MPP4: variants seen among roughly 807,000 people sequenced by gnomAD.
The protein encoded by MPP4 is MAGUK p55 subfamily member 4.
In MPP4, 91 loss-of-function variants were observed where a neutral mutation model predicts 98.3. The observed-to-expected ratio is 0.93, with a 90% confidence interval of 0.78 to 1.10. MPP4 has a LOEUF of 1.10. MPP4 is among the 50% of genes least tolerant of loss of function. MPP4 has a pLI of 0.00. For missense variants in MPP4, 744 were observed against 792.9 expected (o/e 0.94, Z 0.74); for synonymous variants, 261 against 271.8 (o/e 0.96, Z 0.39).
intron 16 of MPP4, among the ~76,000 whole-genome samples, chr2:201,657,713 A>T (rs1687896864): frequency 6.6e-6 from 1 of 151,358 alleles, no homozygotes; most frequent in Non-Finnish European, 1.5e-5. Context: ...AAGCTAGATG[A>T]GGCGGGCATC....
At chr2:201,653,981 CTT>C (rs773754338) in intron 18 of MPP4, among the ~76,000 whole-genome samples, 1 of 146,028 alleles carries the variant, frequency 6.8e-6, no homozygotes. Flanking sequence ...TAAGAAAACA[CTT>C]TTTTTTTTTT....
intron 20 of MPP4, among the ~76,000 whole-genome samples, chr2:201,648,274 C>T (rs1050783234): frequency 3.3e-5 from 5 of 152,156 alleles, no homozygotes; most frequent in Admixed American, 1.3e-4. Flanking sequence ...CCTCCCATCT[C>T]GGCTTTCCAA....
rs1170243808 is a variant in MPP4 at position 201,682,766 on chromosome 2, G to T, written c.660+65C>A. The T allele has an allele frequency of 2.1e-6, 3 of 1,427,360 alleles. No individual in the cohort carries two copies. The Admixed American group carries it at 5.0e-5, about 24-fold the overall frequency. 88.4% of individuals were successfully genotyped at this position (1,427,360 alleles called of 1,614,324 possible). A position where few individuals can be genotyped will look rare whatever the true frequency, so the allele number is the denominator to read the frequency against. On this transcript the variant is annotated intron_variant, in intron 8 of 21. Transcript: ENST00000409474. ...CATCCCAGTGCACACACGTGGGCTT[G>T]ATGGTCCCAGTTCAGCCTTGGCATT... is the stretch of plus-strand genomic sequence containing the variant.
intron 20 of MPP4, among the ~76,000 whole-genome samples, chr2:201,648,196 T>C (rs528670343): frequency 6.6e-6 from 1 of 152,328 alleles, no homozygotes; most frequent in East Asian, 1.9e-4. Flanking sequence ...CTAATTTTTG[T>C]ATTTTTAGTA....
chr2:201,696,691 T>C (rs1248534284), intron 1 of MPP4, among the ~76,000 whole-genome samples: 1 of 152,218 alleles, frequency 6.6e-6, no homozygotes, highest in Admixed American at 6.5e-5. Context: ...AGATAGACTG[T>C]GCTTCACAGA....
At chr2:201,663,332 A>C (rs1372969641) in intron 14 of MPP4, among the ~76,000 whole-genome samples, 3 of 152,380 alleles carry the variant, frequency 2.0e-5, no homozygotes, top group Non-Finnish European at 4.4e-5. Flanking sequence ...AAATGCTCCC[A>C]AAAAGTTCCA....
At chr2:201,648,675 C>T (rs1408369400) in intron 20 of MPP4, among the ~76,000 whole-genome samples, 1 of 152,202 alleles carries the variant, frequency 6.6e-6, no homozygotes, top group Non-Finnish European at 1.5e-5. Context: ...ACCTTCACTT[C>T]CCTTTCCTCT....
chr2:201,684,916 C>A (rs184998159), intron 7 of MPP4, 148 bp downstream of exon 7: 5 of 544,670 alleles, frequency 9.2e-6, no homozygotes, highest in South Asian at 8.7e-5. Context: ...CCACTGCACT[C>A]CAGCCTGGGC....
chr2:201,675,354 G>T, intron 10 of MPP4, 83 bp from the exon 11 acceptor site: 2 of 1,321,906 alleles, frequency 1.5e-6, no homozygotes, highest in Non-Finnish European at 2.1e-6. Context: ...CCAGAGCAAC[G>T]ACAAACAGAA....
chr2:201,667,025 G>C (rs1470506617), intron 12 of MPP4, among the ~76,000 whole-genome samples: 1 of 152,184 alleles, frequency 6.6e-6, no homozygotes, highest in Non-Finnish European at 1.5e-5. Context: ...AAAATGGGGA[G>C]AGTAACAGTA....
rs375527611 is a variant in MPP4 at position 201,690,217 on chromosome 2, C to T, written c.264G>A (p.Gln88=). The T allele has an allele frequency of 1.2e-6, 2 of 1,608,498 alleles. No homozygotes were observed. The highest frequency in any genetic ancestry group is 2.7e-5 in the African/African-American group (2 of 74,878). ...KKLVPATPHA[Q]VLSYEVVELL... ...ATCTCCTTACCTCATAGGATAACAC[C>T]TGTGCATGTGGTGTGGCAGGAACTA... The change falls in exon 4 of 22, where the codon CAG becomes CAA. Residue 88 remains glutamine, a synonymous_variant. Transcript: ENST00000409474.
chr2:201,677,669 G>A (rs1002526567), intron 10 of MPP4, among the ~76,000 whole-genome samples: 4 of 152,140 alleles, frequency 2.6e-5, no homozygotes, highest in African/African-American at 4.8e-5. Flanking sequence ...CACCTGAGGC[G>A]CTTGGTGAAG....
At chr2:201,687,766 C>T (rs757333433) in intron 4 of MPP4, among the ~76,000 whole-genome samples, 28 of 152,302 alleles carry the variant, frequency 1.8e-4, no homozygotes, top group Non-Finnish European at 2.4e-4. Context: ...TCTCTAGGAA[C>T]GTACCTGGGG....
At position 201,651,914 on chromosome 2, in the gene MPP4, C is replaced by T. The variant is rs535674165; in HGVS notation, c.1382-1749G>A. On this transcript the variant is annotated intron_variant, in intron 18 of 21. Coordinates refer to ENST00000409474, the MANE Select transcript of MPP4 (RefSeq NM_033066.3). ...GTTGTAGTGAGCCGAGATAACACCA[C>T]GGCACTCCAGCCTGGGCAATGCAGT... The T allele has an allele frequency of 1.5e-3, 923 of 616,886 alleles. 2 individuals carry two copies. Among genetic ancestry groups the T allele is most frequent in the Admixed American group, 5.0e-3 (79 of 15,750 alleles). The allele number at this position is 616,886 out of a possible 1,614,324, so 38.2% of individuals were successfully genotyped here.
Position 201,656,190 on chromosome 2 carries a change from G to T in MPP4, c.1300+8C>A. 6.3e-7 allele frequency: 1 copy of T among 1,597,616 alleles called. No homozygotes were observed. Among genetic ancestry groups the T allele is most frequent in the African/African-American group, 1.3e-5 (1 of 74,816 alleles). On this transcript the variant is annotated splice_region_variant and intron_variant, in intron 17 of 21. Coordinates refer to ENST00000409474, the MANE Select transcript of MPP4 (RefSeq NM_033066.3). ...GGAGGAGGAGAGACAGTGCATGCTG[G>T]GACATACCCATGAGCACTATGAGGC...
intron 7 of MPP4, among the ~76,000 whole-genome samples, chr2:201,684,747 G>A (rs1411334671): frequency 1.3e-5 from 2 of 151,950 alleles, no homozygotes; most frequent in Non-Finnish European, 2.9e-5. Context: ...TCGGGAGATT[G>A]AGACCATCCT....
intron 7 of MPP4, among the ~76,000 whole-genome samples, 161 bp downstream of exon 7, chr2:201,684,903 A>C (rs1812933): frequency 4.8e-5 from 7 of 146,572 alleles, no homozygotes; most frequent in African/African-American, 1.8e-4. Flanking sequence ...AGCCGAGATC[A>C]CGCCACTGCA....
rs368197392 is a variant in MPP4, at chr2:201,687,272, T to C, written c.360+19A>G. 52 of 1,557,656 alleles carry C rather than the reference T, an allele frequency of 3.3e-5. No homozygotes were observed. The African/African-American group carries it at 6.0e-4, about 18-fold the overall frequency. On this transcript the variant is annotated intron_variant, in intron 5 of 21. Transcript: ENST00000409474. ...ATGTGCCAGATGGGGACATCTTTTC[T>C]ATTTTAGCAGGCACTTGCCTTGAAG...
intron 9 of MPP4, 94 bp downstream of exon 9, chr2:201,681,402 A>G (rs1253437526): frequency 2.7e-6 from 3 of 1,092,678 alleles, no homozygotes; most frequent in African/African-American, 1.5e-5. Context: ...CAGGTCCAAC[A>G]CAGTACAAAG....
Sources: allele counts gnomAD v4.1 joint callset (sites outside exome capture counted in the v4.1 genomes callset), GRCh38; gene constraint gnomAD v4.1.1; transcripts MANE v1.5; gene names NCBI Gene and HGNC (gene_info 2026-07-23, HGNC 2026-07-21).